The following CTNNBL1 variants were observed in gnomAD, a reference collection of about 807,000 sequenced individuals.
CTNNBL1 encodes the protein catenin beta like 1.
Under a neutral mutation model 72.7 loss-of-function variants are expected in CTNNBL1, and 31 were observed. That is an observed-to-expected ratio of 0.43 (90% CI 0.32 to 0.58). The LOEUF (loss-of-function observed/expected upper bound fraction) is 0.58. Among genes scored for constraint, CTNNBL1 ranks in the 20% least tolerant of loss-of-function variants. The probability of loss-of-function intolerance (pLI) is 0.08; values close to 1 mark genes in which losing one functional copy is unlikely to be tolerated. For synonymous variants in CTNNBL1, 240 were observed against 267.3 expected, an observed-to-expected ratio of 0.90 and a Z score of 1.00; for missense variants, 534 against 725.1, an observed-to-expected ratio of 0.74 and a Z score of 3.03.
rs117271203 is a variant in CTNNBL1, at chr20:37,740,075, G to T, written c.326+2591G>T. 2.9e-3 allele frequency among the ~76,000 whole-genome samples: 437 copies of T among 152,200 alleles called. 5 individuals carry two copies. The highest frequency in any genetic ancestry group is 0.017 in the East Asian group (89 of 5,186). ...CTTAGTGTTACAGTTCATTAACTGGGTTTAAGACAATGTGATTTTATTTAA... is the reference window on the plus strand; with the variant it reads ...CTTAGTGTTACAGTTCATTAACTGGTTTTAAGACAATGTGATTTTATTTAA... On this transcript the variant is annotated intron_variant, in intron 3 of 15. Coordinates refer to ENST00000361383, the MANE Select transcript of CTNNBL1 (RefSeq NM_030877.5).
chr20:37,803,191 G>T (rs1055162208), intron 11 of CTNNBL1, 143 bp downstream of exon 11: 5 of 724,324 alleles, frequency 6.9e-6, no homozygotes, highest in East Asian at 5.4e-5. Context: ...TATTTTTCAT[G>T]AATGAAAAAG....
At chr20:37,724,418 G>T (rs573521378) in intron 1 of CTNNBL1, among the ~76,000 whole-genome samples, 3 of 152,206 alleles carry the variant, frequency 2.0e-5, no homozygotes, top group Non-Finnish European at 2.9e-5. Flanking sequence ...TTTCCTTAAG[G>T]GGGGAAGTAT....
At chr20:37,770,555 C>CT (rs879386949) in intron 7 of CTNNBL1, among the ~76,000 whole-genome samples, 111 of 141,566 alleles carry the variant, frequency 7.8e-4, no homozygotes, top group Middle Eastern at 7.3e-3. Context: ...CTGCCAGAGT[C>CT]TTTTTTTTTT....
At chr20:37,749,819 C>T (rs1376154605) in intron 4 of CTNNBL1, 1 of 152,128 alleles carries the variant, frequency 6.6e-6, no homozygotes, top group Non-Finnish European at 1.5e-5. Context: ...ACATTGCACT[C>T]TGCTGCTTGT....
At chr20:37,740,625 G>A (rs2122612689) in intron 3 of CTNNBL1, among the ~76,000 whole-genome samples, 1 of 152,232 alleles carries the variant, frequency 6.6e-6, no homozygotes, top group South Asian at 2.1e-4. Flanking sequence ...TTTGGTCTCA[G>A]GATCTCCTTG....
chr20:37,715,138 G>A (rs1422818709), intron 1 of CTNNBL1, among the ~76,000 whole-genome samples: 1 of 152,208 alleles, frequency 6.6e-6, no homozygotes, highest in Non-Finnish European at 1.5e-5. Flanking sequence ...AAACAGATCT[G>A]TAGTAATCAC....
chr20:37,840,076 G>A, intron 11 of CTNNBL1, 26 bp from the exon 12 acceptor site: 1 of 1,561,808 alleles, frequency 6.4e-7, no homozygotes, highest in East Asian at 2.2e-5. Context: ...ATCTCAGCAT[G>A]TTCTCTTTTC....
intron 11 of CTNNBL1, among the ~76,000 whole-genome samples, chr20:37,803,869 T>C (rs2071928432): frequency 6.6e-6 from 1 of 152,084 alleles, no homozygotes; most frequent in African/African-American, 2.4e-5. Context: ...GGCTTTTTTT[T>C]TTGTCAGTGC....
rs2073182077 is a variant in CTNNBL1 at position 37,737,592 on chromosome 20, A to T, written c.326+108A>T. 5 of 672,282 alleles carry T rather than the reference A, an allele frequency of 7.4e-6. No individual in the cohort carries two copies. The South Asian group carries it at 9.6e-5, about 13-fold the overall frequency. The allele number at this position is 672,282 out of a possible 1,614,324, so 41.6% of individuals were successfully genotyped here. On this transcript the variant is annotated intron_variant, in intron 3 of 15. Coordinates refer to ENST00000361383, the MANE Select transcript of CTNNBL1 (RefSeq NM_030877.5). ...TTTTGTGATTTGGGCCAGGAATCCC[A>T]GGATGACCCCCATGTTTGGGAATTC... is the stretch of plus-strand genomic sequence containing the variant.
At chr20:37,696,372 C>CTGCT (rs2122531731) in intron 1 of CTNNBL1, among the ~76,000 whole-genome samples, 1 of 150,296 alleles carries the variant, frequency 6.7e-6, no homozygotes, top group African/African-American at 2.4e-5. Flanking sequence ...GAATTTAGAT[C>CTGCT]TGCTACATGT....
rs988927269 is a variant in CTNNBL1 at position 37,782,732 on chromosome 20, A to C, written c.1031+3397A>C. Among the ~76,000 whole-genome samples the C allele has an allele frequency of 4.6e-5, 7 of 152,328 alleles. No homozygotes were observed. The East Asian group carries it at 1.2e-3, about 25-fold the overall frequency. ...CATTTTTTGAGACTAAGTTTTCAAA[A>C]TCCAGTGAACATTTTACATTTACAT... On this transcript the variant is annotated intron_variant, in intron 10 of 15. Coordinates refer to ENST00000361383, the MANE Select transcript of CTNNBL1 (RefSeq NM_030877.5).
At position 37,765,308 on chromosome 20, in the gene CTNNBL1, T is replaced by C; in HGVS notation, c.658+18T>C. On this transcript the variant is annotated intron_variant, in intron 6 of 15. Transcript: ENST00000361383. ...CACTCTGGGTGAGAGGAAGGGTGCT[T>C]GCCATTGCCTGAGTTGCTTTGTGTT... is the stretch of plus-strand genomic sequence containing the variant. 1 of 1,471,444 alleles carries C rather than the reference T, an allele frequency of 6.8e-7. No individual in the cohort carries two copies. Among genetic ancestry groups the C allele is most frequent in the Non-Finnish European group, 9.3e-7 (1 of 1,073,780 alleles). The allele number at this position is 1,471,444 out of a possible 1,614,324, so 91.1% of individuals were successfully genotyped here.
At chr20:37,831,318 T>C (rs2072207504) in intron 11 of CTNNBL1, among the ~76,000 whole-genome samples, 1 of 152,108 alleles carries the variant, frequency 6.6e-6, no homozygotes, top group African/African-American at 2.4e-5. Flanking sequence ...GCATGCCAGT[T>C]AATTGTGTAC....
intron 1 of CTNNBL1, among the ~76,000 whole-genome samples, chr20:37,697,195 AAAAG>A (rs947470960): frequency 5.3e-5 from 8 of 152,278 alleles, no homozygotes; most frequent in Admixed American, 4.6e-4. Flanking sequence ...AAGAAAAAAA[AAAAG>A]AAAGAAAATG....
At chr20:37,798,698 T>G (rs772547125) in intron 10 of CTNNBL1, among the ~76,000 whole-genome samples, 11 of 152,150 alleles carry the variant, frequency 7.2e-5, no homozygotes, top group Non-Finnish European at 1.5e-4. Flanking sequence ...TGAATTTGCT[T>G]AGGCAGGAAA....
intron 3 of CTNNBL1, among the ~76,000 whole-genome samples, chr20:37,745,092 A>G (rs1378301757): frequency 1.3e-5 from 2 of 152,256 alleles, no homozygotes; most frequent in African/African-American, 4.8e-5. Flanking sequence ...TTCTACAAAA[A>G]GTATACTGTA....
In CTNNBL1 at chr20:37,774,256, G is replaced by A. The variant is rs185848891; in HGVS notation, c.751-3089G>A. Among the ~76,000 whole-genome samples, 342 of 152,128 alleles carry A rather than the reference G, an allele frequency of 2.2e-3. 3 individuals are homozygous for A. Among genetic ancestry groups the A allele is most frequent in the African/African-American group, 7.9e-3 (326 of 41,502 alleles). The stretch of plus-strand genomic sequence containing the variant: ...TCCTCACAAACAGCCCTGCCAAGAG[G>A]GTGCAGCTATCCCCAATTTACAGAT... On this transcript the variant is annotated intron_variant, in intron 7 of 15. Transcript: ENST00000361383.
chr20:37,715,576 T>G (rs980542634), intron 1 of CTNNBL1, among the ~76,000 whole-genome samples: 4 of 152,246 alleles, frequency 2.6e-5, no homozygotes, highest in African/African-American at 9.6e-5. Flanking sequence ...TTGAGGCCCA[T>G]TCTGGCTCAC....
At chr20:37,759,981 G>C (rs897326332) in intron 5 of CTNNBL1, among the ~76,000 whole-genome samples, 6 of 152,218 alleles carry the variant, frequency 3.9e-5, no homozygotes, top group African/African-American at 1.4e-4. Flanking sequence ...TGCAGTTATT[G>C]CTTTGGTCTT....
Sources: allele counts gnomAD v4.1 joint callset (sites outside exome capture counted in the v4.1 genomes callset), GRCh38; gene constraint gnomAD v4.1.1; transcripts MANE v1.5; gene names NCBI Gene and HGNC (gene_info 2026-07-23, HGNC 2026-07-21).